The following GALR1 variants were observed in gnomAD, a reference collection of about 807,000 sequenced individuals.
The protein encoded by GALR1 is galanin receptor 1.
In GALR1, 11 loss-of-function variants were observed where a neutral mutation model predicts 17.9. That is an observed-to-expected ratio of 0.62 (90% confidence interval 0.39 to 1.02). GALR1 has a LOEUF of 1.02. Ranked by LOEUF, GALR1 falls within the 50% of genes least tolerant of loss-of-function variation. The probability of loss-of-function intolerance (pLI) is 0.01; values close to 1 mark genes in which losing one functional copy is unlikely to be tolerated. For synonymous variants in GALR1, 206 were observed against 205.7 expected, an observed-to-expected ratio of 1.00 and a Z score of -0.01; for missense variants, 441 against 456.9, an observed-to-expected ratio of 0.97 and a Z score of 0.32.
chr18:77,268,680 G>A lies in GALR1; in HGVS notation c.828G>A (p.Pro276=), dbSNP rs150691081. ...TCTGGGCTGAGTTTGGAGTTTTCCC[G>A]CTGACGCCGGCTTCCTTCCTCTTCA... The part of the protein sequence containing the change: ...IHLWAEFGVF[P]LTPASFLFRI... The change falls in exon 3 of 3, where the codon CCG becomes CCA. Residue 276 remains proline (P), a synonymous_variant. Coordinates refer to ENST00000299727, the MANE Select transcript of GALR1 (RefSeq NM_001480.4). 7.4e-6 allele frequency: 12 copies of A among 1,613,920 alleles called. No individual in the cohort carries two copies. Among genetic ancestry groups the A allele is most frequent in the East Asian group, 6.7e-5 (3 of 44,896 alleles).
chr18:77,266,870 C>G (rs368437903), intron 2 of GALR1, among the ~76,000 whole-genome samples: 24 of 152,302 alleles, frequency 1.6e-4, no homozygotes, highest in African/African-American at 5.5e-4. Flanking sequence ...ATGGGAATGA[C>G]AATTCAAGAT....
chr18:77,265,815 C>T (rs796316638), intron 2 of GALR1, among the ~76,000 whole-genome samples: 9 of 152,296 alleles, frequency 5.9e-5, no homozygotes, highest in African/African-American at 2.2e-4. Context: ...CTATTAGCCA[C>T]AGCTGGGACA....
At chr18:77,268,062 G>A (rs982577568) in intron 2 of GALR1, among the ~76,000 whole-genome samples, 2 of 152,206 alleles carry the variant, frequency 1.3e-5, no homozygotes, top group African/African-American at 4.8e-5. Flanking sequence ...GACTGAAACT[G>A]AAATGAAACA....
At chr18:77,262,921 T>C (rs1912863347) in intron 2 of GALR1, among the ~76,000 whole-genome samples, 1 of 152,226 alleles carries the variant, frequency 6.6e-6, no homozygotes, top group Non-Finnish European at 1.5e-5. Context: ...AAACTTGGAA[T>C]GAGTCACAGA....
At position 77,259,447 on chromosome 18, in the gene GALR1, A is replaced by G. The variant is rs1480166266; in HGVS notation, c.732+3224A>G. Among the ~76,000 whole-genome samples, 464 of 99,952 alleles carry G rather than the reference A, an allele frequency of 4.6e-3. 1 individual carries two copies. Among genetic ancestry groups the G allele is most frequent in the Admixed American group, 9.3e-3 (89 of 9,536 alleles). 65.6% of individuals were successfully genotyped at this position (99,952 alleles called of 152,430 possible). A position where few individuals can be genotyped will look rare whatever the true frequency, so the allele number is the denominator to read the frequency against. ...GATGGTCATGGTGGTGATGATGGTG[A>G]TCATGGTGGTGATGGTGGTGATGGT... On this transcript the variant is annotated intron_variant, in intron 2 of 2. Transcript: ENST00000299727.
intron 2 of GALR1, among the ~76,000 whole-genome samples, chr18:77,261,881 T>A (rs1912837006): frequency 6.6e-6 from 1 of 152,196 alleles, no homozygotes; most frequent in Admixed American, 6.5e-5. Flanking sequence ...TGGGGTGCAG[T>A]GGTGTGATCA....
rs555014238 is a variant in GALR1, at chr18:77,250,123, G to A, written c.-426G>A. Among the ~76,000 whole-genome samples the A allele has an allele frequency of 5.4e-4, 83 of 152,320 alleles. No homozygotes were observed. Among genetic ancestry groups the A allele is most frequent in the Non-Finnish European group, 9.1e-4 (62 of 68,032 alleles). On this transcript the variant is annotated 5_prime_UTR_variant, in exon 1 of 3. Coordinates refer to ENST00000299727, the MANE Select transcript of GALR1 (RefSeq NM_001480.4). ...CGGCTCCGAGCAACAGGTGCAGCAC[G>A]CAGCCCCTCCGGGAGCCAGGGAAAA...
chr18:77,254,818 T>A (rs972630002), intron 1 of GALR1, among the ~76,000 whole-genome samples: 4 of 152,222 alleles, frequency 2.6e-5, no homozygotes, highest in Non-Finnish European at 5.9e-5. Context: ...TCCCAAATGC[T>A]CCTGCGGCAC....
intron 2 of GALR1, among the ~76,000 whole-genome samples, chr18:77,267,903 C>A (rs1337559433): frequency 3.3e-5 from 5 of 152,166 alleles, no homozygotes; most frequent in Non-Finnish European, 7.3e-5. Context: ...AGGTCCCTAA[C>A]CAGCGATGAC....
At chr18:77,259,948 G>C (rs1327835791) in intron 2 of GALR1, among the ~76,000 whole-genome samples, 2 of 152,010 alleles carry the variant, frequency 1.3e-5, no homozygotes, top group Non-Finnish European at 2.9e-5. Context: ...CCAGGTCTCA[G>C]CACAGAAAAT....
Position 77,272,657 on chromosome 18 carries a change from G to C in GALR1, c.*3755G>C, listed in dbSNP as rs1340605555. On this transcript the variant is annotated 3_prime_UTR_variant, in exon 3 of 3. Transcript: ENST00000299727. ...AATTTGTAAGTGGGTTTCTATGAAA[G>C]GTAATCGTATTCTTCTTGACCATTA... The C allele has an allele frequency of 6.6e-6, 1 of 152,200 alleles. No homozygotes were observed. Among genetic ancestry groups the C allele is most frequent in the Non-Finnish European group, 1.5e-5 (1 of 68,036 alleles). The allele number at this position is 152,200 out of a possible 1,614,324, so 9.4% of individuals were successfully genotyped here. A position where few individuals can be genotyped will look rare whatever the true frequency, so the allele number is the denominator to read the frequency against.
In GALR1 at chr18:77,269,638, A is replaced by G. The variant is rs1913021137; in HGVS notation, c.*736A>G. The G allele has an allele frequency of 1.3e-5, 2 of 152,252 alleles. No homozygotes were observed. Among genetic ancestry groups the G allele is most frequent in the African/African-American group, 4.8e-5 (2 of 41,466 alleles). 9.4% of individuals were successfully genotyped at this position (152,252 alleles called of 1,614,324 possible). A position where few individuals can be genotyped will look rare whatever the true frequency, so the allele number is the denominator to read the frequency against. ...AGTTAACAAAACAGAGTCAGAGACCACTGTCTTAACAGTGGAAGATGCAAA... is the reference window on the plus strand; with the variant it reads ...AGTTAACAAAACAGAGTCAGAGACCGCTGTCTTAACAGTGGAAGATGCAAA... On this transcript the variant is annotated 3_prime_UTR_variant, in exon 3 of 3. Coordinates refer to ENST00000299727, the MANE Select transcript of GALR1 (RefSeq NM_001480.4).
chr18:77,265,570 C>T (rs1401401790), intron 2 of GALR1, among the ~76,000 whole-genome samples: 1 of 152,202 alleles, frequency 6.6e-6, no homozygotes, highest in Non-Finnish European at 1.5e-5. Context: ...GGAGCTCTGA[C>T]CCCACATTTC....
At chr18:77,252,376 A>G (rs1912438505) in intron 1 of GALR1, among the ~76,000 whole-genome samples, 1 of 152,238 alleles carries the variant, frequency 6.6e-6, no homozygotes, top group Admixed American at 6.5e-5. Context: ...TGTTTCAATA[A>G]GGCTGTGACT....
chr18:77,271,884 G>A lies in GALR1; in HGVS notation c.*2982G>A, dbSNP rs2144971276. 6.6e-6 allele frequency: 1 copy of A among 152,320 alleles called. No individual in the cohort carries two copies. Among genetic ancestry groups the A allele is most frequent in the Admixed American group, 6.5e-5 (1 of 15,296 alleles). 9.4% of individuals were successfully genotyped at this position (152,320 alleles called of 1,614,324 possible). ...TCAGTGTCCTGCTGATGAATACAGT[G>A]ATGTGGATGGAAACGTTTTCTTGTC... is the stretch of plus-strand genomic sequence containing the variant. On this transcript the variant is annotated 3_prime_UTR_variant, in exon 3 of 3. Transcript: ENST00000299727.
rs1913181359 is a variant in GALR1, at chr18:77,277,534, C to T, written c.*8632C>T. 1 of 152,248 alleles carries T rather than the reference C, an allele frequency of 6.6e-6. No homozygotes were observed. 9.4% of individuals were successfully genotyped at this position (152,248 alleles called of 1,614,324 possible). ...TTGGAAATGTAAGTCAATTAAACCA[C>T]TTTCTTTAGTAAATTGCCCAGTCTC... On this transcript the variant is annotated 3_prime_UTR_variant, in exon 3 of 3. Coordinates refer to ENST00000299727, the MANE Select transcript of GALR1 (RefSeq NM_001480.4).
chr18:77,258,924 A>ATGGTCATGGTGGTGATGGTGG (rs1912712226), intron 2 of GALR1, among the ~76,000 whole-genome samples: 1 of 102,514 alleles, frequency 9.8e-6, no homozygotes, highest in African/African-American at 3.8e-5. Flanking sequence ...GGTGGTGATG[A>ATGGTCATGGTGGTGATGGTGG]TGGTCATGGT....
chr18:77,262,588 G>A (rs1199295904), intron 2 of GALR1, among the ~76,000 whole-genome samples: 1 of 152,212 alleles, frequency 6.6e-6, no homozygotes, highest in Non-Finnish European at 1.5e-5. Context: ...CCCAGGGCCT[G>A]TTTGCATGGA....
At chr18:77,258,693 GTGGTGGTCATGTGATGGTGGTGC>G in intron 2 of GALR1, among the ~76,000 whole-genome samples, 1 of 147,124 alleles carries the variant, frequency 6.8e-6, no homozygotes, top group Non-Finnish European at 1.5e-5. Flanking sequence ...GGTGATGGTG[GTGGTGGTCATGTGATGGTGGTGC>G]TGGTGATGGT....
Sources: allele counts gnomAD v4.1 joint callset (sites outside exome capture counted in the v4.1 genomes callset), GRCh38; gene constraint gnomAD v4.1.1; transcripts MANE v1.5; gene names NCBI Gene and HGNC (gene_info 2026-07-23, HGNC 2026-07-21).